LDLRAD3: variants seen among roughly 807,000 people sequenced by gnomAD.
LDLRAD3 encodes low density lipoprotein receptor class A domain containing 3, also known as low-density lipoprotein receptor class A domain-containing protein 3.
A neutral mutation model predicts 29.4 loss-of-function variants in LDLRAD3; 20 were observed. The observed-to-expected ratio is 0.68, with a 90% CI of 0.48 to 0.99. LDLRAD3 has a LOEUF of 0.99. Ranked by LOEUF, LDLRAD3 falls within the 50% of genes least tolerant of loss-of-function variation. The pLI, the probability that LDLRAD3 is intolerant of heterozygous loss-of-function variation, is 0.00. For missense variants in LDLRAD3, 420 were observed against 454.3 expected (o/e 0.92, Z 0.69); for synonymous variants, 157 against 192.7 (o/e 0.81, Z 1.53).
At chr11:36,089,858 C>T (rs1853253957) in intron 3 of LDLRAD3, among the ~76,000 whole-genome samples, 1 of 151,860 alleles carries the variant, frequency 6.6e-6, no homozygotes, top group South Asian at 2.1e-4. Context: ...GCTATCCTCC[C>T]ACTTCAGCAA....
At chr11:36,016,809 C>T (rs262421) in intron 1 of LDLRAD3, among the ~76,000 whole-genome samples, 65,396 of 152,126 alleles carry the variant, frequency 0.43, 15,581 homozygotes, top group Non-Finnish European at 0.54. Flanking sequence ...CCAACTTGCT[C>T]TTTCCCTTCT....
rs1854495893 is a variant in LDLRAD3 at position 36,165,134 on chromosome 11, C to G, written c.455-61951C>G. 2.0e-5 allele frequency among the ~76,000 whole-genome samples: 3 copies of G among 152,102 alleles called. No individual in the cohort carries two copies. In the South Asian group the frequency reaches 6.2e-4, roughly 32 times the overall value. On this transcript the variant is annotated intron_variant, in intron 4 of 5. Coordinates refer to ENST00000315571, the MANE Select transcript of LDLRAD3 (RefSeq NM_174902.4). Reference sequence around the variant, plus strand: ...GCTTTTTGTTCTTGCAACCGTGATACTTTTTATTCAGTTTTACATCCTACT... The same window carrying G: ...GCTTTTTGTTCTTGCAACCGTGATAGTTTTTATTCAGTTTTACATCCTACT...
At chr11:36,075,395 C>T (rs1852980588) in intron 2 of LDLRAD3, among the ~76,000 whole-genome samples, 1 of 152,082 alleles carries the variant, frequency 6.6e-6, no homozygotes, top group Non-Finnish European at 1.5e-5. Flanking sequence ...CTTGGGGACC[C>T]CTGACACAGC....
chr11:36,061,327 G>C (rs538574730), intron 2 of LDLRAD3, among the ~76,000 whole-genome samples: 3 of 152,088 alleles, frequency 2.0e-5, no homozygotes, highest in Non-Finnish European at 2.9e-5. Flanking sequence ...TTTTAGTAGA[G>C]ACGGGGTTTC....
intron 1 of LDLRAD3, among the ~76,000 whole-genome samples, chr11:35,952,371 T>A (rs998196464): frequency 1.3e-5 from 2 of 152,226 alleles, no homozygotes; most frequent in African/African-American, 4.8e-5. Context: ...GACTTCATGC[T>A]TATCGTGTTG....
intron 3 of LDLRAD3, among the ~76,000 whole-genome samples, chr11:36,092,549 G>A (rs1172432019): frequency 6.6e-6 from 1 of 152,008 alleles, no homozygotes; most frequent in Non-Finnish European, 1.5e-5. Context: ...CCCAGTCTCT[G>A]TTATCTATTT....
At chr11:36,167,696 C>T (rs1390683936) in intron 4 of LDLRAD3, among the ~76,000 whole-genome samples, 1 of 152,142 alleles carries the variant, frequency 6.6e-6, no homozygotes, top group Admixed American at 6.5e-5. Flanking sequence ...GGGAGCACGC[C>T]CTGCTGACAG....
chr11:36,119,979 CT>C (rs1301488563), intron 4 of LDLRAD3, among the ~76,000 whole-genome samples: 1 of 152,100 alleles, frequency 6.6e-6, no homozygotes, highest in Non-Finnish European at 1.5e-5. Context: ...ATTTTTAAGT[CT>C]GTGATTCATT....
intron 4 of LDLRAD3, among the ~76,000 whole-genome samples, chr11:36,217,037 T>C (rs1855362381): frequency 6.6e-6 from 1 of 152,158 alleles, no homozygotes. Flanking sequence ...ACTTAACCTC[T>C]CTGTTAATAA....
At chr11:36,069,775 T>C (rs1852865151) in intron 2 of LDLRAD3, among the ~76,000 whole-genome samples, 1 of 152,204 alleles carries the variant, frequency 6.6e-6, no homozygotes, top group African/African-American at 2.4e-5. Flanking sequence ...TTGGAACATC[T>C]TTGATTCCAC....
At chr11:36,196,948 G>T (rs917241697) in intron 4 of LDLRAD3, 1 of 152,138 alleles carries the variant, frequency 6.6e-6, no homozygotes, top group African/African-American at 2.4e-5. Context: ...ATGAGAGATT[G>T]CTTCACTTTC....
At chr11:36,225,712 A>T (rs984835747) in intron 4 of LDLRAD3, among the ~76,000 whole-genome samples, 6 of 149,634 alleles carry the variant, frequency 4.0e-5, no homozygotes, top group African/African-American at 1.5e-4. Context: ...CTTCATCTTA[A>T]AAAAAAAAGG....
At chr11:36,040,293 A>G (rs1852364128) in intron 2 of LDLRAD3, among the ~76,000 whole-genome samples, 1 of 151,762 alleles carries the variant, frequency 6.6e-6, no homozygotes, top group South Asian at 2.1e-4. Flanking sequence ...TTTACCAGAC[A>G]GGAAGATTTT....
intron 4 of LDLRAD3, among the ~76,000 whole-genome samples, chr11:36,121,650 G>A (rs1436923004): frequency 6.6e-6 from 1 of 152,240 alleles, no homozygotes; most frequent in African/African-American, 2.4e-5. Flanking sequence ...ATGCACAGAA[G>A]TGTTCAGGCA....
intron 1 of LDLRAD3, among the ~76,000 whole-genome samples, chr11:35,961,569 T>C (rs1316609466): frequency 6.6e-6 from 1 of 152,172 alleles, no homozygotes; most frequent in Admixed American, 6.5e-5. Context: ...TACCAATCCA[T>C]GCCGAGACTA....
rs1229624944 is a variant in LDLRAD3 at position 36,213,267 on chromosome 11, C to A, written c.455-13818C>A. The stretch of plus-strand genomic sequence containing the variant: ...CAGGATGGCCCCTGCTGTGGCCGGT[C>A]TGAGGTTGCGCAGCTCCAGTTTTCC... On this transcript the variant is annotated intron_variant, in intron 4 of 5. Coordinates refer to ENST00000315571, the MANE Select transcript of LDLRAD3 (RefSeq NM_174902.4). The surrounding 1 kb of genome is among the most constrained non-coding windows in gnomAD (Gnocchi z 4.1). 2.0e-5 allele frequency among the ~76,000 whole-genome samples: 3 copies of A among 152,176 alleles called. No individual in the cohort carries two copies. Among genetic ancestry groups the A allele is most frequent in the Non-Finnish European group, 2.9e-5 (2 of 68,032 alleles).
At chr11:36,193,354 G>C in intron 4 of LDLRAD3, among the ~76,000 whole-genome samples, 1 of 152,054 alleles carries the variant, frequency 6.6e-6, no homozygotes, top group Admixed American at 6.5e-5. Flanking sequence ...TAGCTTATCT[G>C]GCCACCCTGA....
intron 1 of LDLRAD3, among the ~76,000 whole-genome samples, chr11:36,026,297 C>T (rs993995621): frequency 2.2e-4 from 33 of 152,188 alleles, no homozygotes; most frequent in African/African-American, 8.0e-4. Flanking sequence ...CCTGTTTTCT[C>T]ATCCATTCTC....
chr11:36,060,001 C>T (rs990784845), intron 2 of LDLRAD3, among the ~76,000 whole-genome samples: 2 of 152,162 alleles, frequency 1.3e-5, no homozygotes, highest in African/African-American at 2.4e-5. Flanking sequence ...AGTAGTTTTG[C>T]GAGATGGGTA....
Sources: gnomAD v4.1 joint callset for allele counts (sites outside exome capture counted in the v4.1 genomes callset) on GRCh38, gnomAD v4.1.1 for gene constraint, Gnocchi (gnomAD v3.1) non-coding constraint, MANE v1.5 for transcripts, NCBI Gene and HGNC (gene_info 2026-07-23, HGNC 2026-07-21) for gene names.